Variants in TMEM243 observed in about 807,000 individuals in gnomAD.
The protein encoded by TMEM243 is MDR1 and mitochondrial taxol resistance associated.
A neutral mutation model predicts 15.0 loss-of-function variants in TMEM243; 20 were observed. The observed-to-expected ratio is 1.33, with a 90% CI of 0.94 to 1.93. The LOEUF is 1.93. Among genes scored for constraint, TMEM243 ranks in the 30% most tolerant of loss-of-function variants. The pLI is 0.00. For synonymous variants in TMEM243, 72 were observed against 52.7 expected (o/e 1.37, Z -1.59); for missense variants, 156 against 142.1 (o/e 1.10, Z -0.50).
rs1562885354 is a variant in TMEM243, at chr7:87,209,750, CAGAGCGAGACAGTG to C, written c.78+9662_78+9675del. Among the ~76,000 whole-genome samples the C allele has an allele frequency of 1.9e-4, 5 of 26,184 alleles. No homozygotes were observed. In the South Asian group the frequency reaches 4.6e-3, roughly 24 times the overall value. The allele number at this position is 26,184 out of a possible 152,430, so 17.2% of individuals were successfully genotyped here. ...AGCGAGACACAGTGAGAGCGAGACA[CAGAGCGAGACAGTG>C]AGAGCGAGACAGAGCGAGACAGTGA... On this transcript the variant is annotated intron_variant, in intron 1 of 3. Coordinates refer to ENST00000257637, the MANE Select transcript of TMEM243 (RefSeq NM_024315.4).
At chr7:87,209,473 AGAGT>A (rs960656681) in intron 1 of TMEM243, among the ~76,000 whole-genome samples, 6 of 148,998 alleles carry the variant, frequency 4.0e-5, no homozygotes, top group Non-Finnish European at 8.9e-5. Context: ...AGTGAGACAG[AGAGT>A]GAGATAGTGA....
intron 1 of TMEM243, among the ~76,000 whole-genome samples, chr7:87,202,632 T>C (rs1400307580): frequency 6.6e-6 from 1 of 152,192 alleles, no homozygotes; most frequent in South Asian, 2.1e-4. Context: ...GTCACACGGC[T>C]AGGTAATGGC....
At chr7:87,206,428 A>G (rs554266794) in intron 1 of TMEM243, among the ~76,000 whole-genome samples, 1 of 152,352 alleles carries the variant, frequency 6.6e-6, no homozygotes, top group African/African-American at 2.4e-5. Context: ...AATGATGGGA[A>G]AGACAGTCTA....
intron 1 of TMEM243, among the ~76,000 whole-genome samples, chr7:87,210,729 C>A (rs1802684457): frequency 6.6e-6 from 1 of 152,242 alleles, no homozygotes; most frequent in Admixed American, 6.5e-5. Flanking sequence ...GGTACAGCCC[C>A]CACAGCTGCT....
intron 1 of TMEM243, among the ~76,000 whole-genome samples, chr7:87,218,011 G>A (rs1479952870): frequency 6.6e-6 from 1 of 152,266 alleles, no homozygotes; most frequent in African/African-American, 2.4e-5. Context: ...TCTATGTGCT[G>A]AAGCACGCTG....
chr7:87,199,049 G>A lies in TMEM243; in HGVS notation c.87C>T (p.Ile29=), dbSNP rs1180607431. The A allele has an allele frequency of 3.7e-6, 6 of 1,606,006 alleles. No homozygotes were observed. Among genetic ancestry groups the A allele is most frequent in the Non-Finnish European group, 5.1e-6 (6 of 1,177,254 alleles). Residue 29 remains isoleucine, a synonymous_variant, in exon 2 of 4, where the codon ATC becomes ATT. Coordinates refer to ENST00000257637, the MANE Select transcript of TMEM243 (RefSeq NM_024315.4). ...TTAAGCTGCCAACAACTAAATTGATGATTCGATCCTGAAAGAGAAAAGAAT... is the reference window on the plus strand; with the variant it reads ...TTAAGCTGCCAACAACTAAATTGATAATTCGATCCTGAAAGAGAAAAGAAT... ...LFGETSAKDR[I]INLVVGSLTS... is the part of the protein sequence containing the mutation.
At chr7:87,216,689 T>C (rs1803144330) in intron 1 of TMEM243, 1 of 152,228 alleles carries the variant, frequency 6.6e-6, no homozygotes, top group Admixed American at 6.5e-5. Context: ...CCAACTTAGT[T>C]ATATATTAAT....
At chr7:87,215,964 C>A (rs1803083225) in intron 1 of TMEM243, among the ~76,000 whole-genome samples, 1 of 152,008 alleles carries the variant, frequency 6.6e-6, no homozygotes, top group Non-Finnish European at 1.5e-5. Flanking sequence ...TACAGGAAGC[C>A]CCATCTCTAC....
chr7:87,209,239 G>A (rs1168502016), intron 1 of TMEM243, among the ~76,000 whole-genome samples: 1 of 151,932 alleles, frequency 6.6e-6, no homozygotes, highest in African/African-American at 2.4e-5. Flanking sequence ...GGAGACCTCA[G>A]GAAACTTACA....
Position 87,196,745 on chromosome 7 carries a change from C to A in TMEM243, c.248G>T (p.Arg83Leu), listed in dbSNP as rs375982092. 5.1e-6 allele frequency: 8 copies of A among 1,570,806 alleles called. No individual in the cohort carries two copies. Among genetic ancestry groups the A allele is most frequent in the South Asian group, 1.1e-5 (1 of 87,116 alleles). The part of the protein sequence containing the change: ...ITACILIYWY[R>L]QGDLEPKFRK... ...AAATTTCGGTTCTAAGTCTCCTTGTCGATACCAGTAGATCTAAAAGAAGAA... is the reference window on the plus strand; with the variant it reads ...AAATTTCGGTTCTAAGTCTCCTTGTAGATACCAGTAGATCTAAAAGAAGAA... Residue 83 changes from arginine to leucine, a missense_variant, in exon 4 of 4, where the codon CGA becomes CTA. Physicochemically the swap from Arg to Leu is moderately radical, Grantham distance 102. Transcript: ENST00000257637.
intron 1 of TMEM243, among the ~76,000 whole-genome samples, chr7:87,210,300 G>T (rs1802652226): frequency 6.6e-6 from 1 of 151,966 alleles, no homozygotes; most frequent in African/African-American, 2.4e-5. Flanking sequence ...CAGCCCCTGG[G>T]CCCTCCGAAA....
At chr7:87,201,064 GA>G (rs1801769886) in intron 1 of TMEM243, among the ~76,000 whole-genome samples, 3 of 152,172 alleles carry the variant, frequency 2.0e-5, no homozygotes, top group Admixed American at 2.0e-4. Context: ...GATAGTCACT[GA>G]ACAGAATTCC....
rs544557475 is a variant in TMEM243, at chr7:87,201,496, G to A, written c.79-2439C>T. Among the ~76,000 whole-genome samples the A allele has an allele frequency of 2.0e-5, 3 of 152,192 alleles. No individual in the cohort carries two copies. In the South Asian group the frequency reaches 6.2e-4, roughly 32 times the overall value. On this transcript the variant is annotated intron_variant, in intron 1 of 3. Transcript: ENST00000257637. Reference sequence around the variant, plus strand: ...TTTAAATATTAAGTTCAAATCACAGGGTACAGCTCCTTCCCTGGGCCTAGA... The same window carrying A: ...TTTAAATATTAAGTTCAAATCACAGAGTACAGCTCCTTCCCTGGGCCTAGA...
At chr7:87,211,769 G>C (rs901304353) in intron 1 of TMEM243, among the ~76,000 whole-genome samples, 1 of 152,202 alleles carries the variant, frequency 6.6e-6, no homozygotes, top group Non-Finnish European at 1.5e-5. Flanking sequence ...CCCTTGCACT[G>C]TCACTAGAGA....
intron 1 of TMEM243, among the ~76,000 whole-genome samples, chr7:87,199,900 C>T (rs939355357): frequency 6.6e-6 from 1 of 152,176 alleles, no homozygotes; most frequent in African/African-American, 2.4e-5. Context: ...TAGTGACATG[C>T]AGTCTTATTT....
Position 87,219,411 on chromosome 7 carries a change from A to C in TMEM243, c.78+15T>G, listed in dbSNP as rs1584562292. 1 of 1,613,596 alleles carries C rather than the reference A, an allele frequency of 6.2e-7. No homozygotes were observed. The highest frequency in any genetic ancestry group is 8.5e-7 in the Non-Finnish European group (1 of 1,179,602). ...ACACCCCCCATCCCAGTCTGGAGTC[A>C]CAATCCGCACTCACCTTGGCGGACG... On this transcript the variant is annotated intron_variant, in intron 1 of 3. Coordinates refer to ENST00000257637, the MANE Select transcript of TMEM243 (RefSeq NM_024315.4).
At chr7:87,202,847 A>C (rs1305651333) in intron 1 of TMEM243, 2 of 152,232 alleles carry the variant, frequency 1.3e-5, no homozygotes, top group Non-Finnish European at 2.9e-5. Context: ...ACTGGGCTAA[A>C]TGATACCTGG....
intron 1 of TMEM243, among the ~76,000 whole-genome samples, chr7:87,218,309 A>C (rs1803252559): frequency 6.6e-6 from 1 of 152,250 alleles, no homozygotes; most frequent in African/African-American, 2.4e-5. Context: ...AACAAGGTGC[A>C]TCTTCCTGGA....
At chr7:87,210,976 C>T (rs567884316) in intron 1 of TMEM243, among the ~76,000 whole-genome samples, 1 of 152,316 alleles carries the variant, frequency 6.6e-6, no homozygotes, top group East Asian at 1.9e-4. Context: ...ATCTTGGCCC[C>T]TTTTAGCCAC....
Sources: allele counts gnomAD v4.1 joint callset (sites outside exome capture counted in the v4.1 genomes callset), GRCh38; gene constraint gnomAD v4.1.1; transcripts MANE v1.5; gene names NCBI Gene and HGNC (gene_info 2026-07-23, HGNC 2026-07-21).